The following SCIN variants were observed in gnomAD, a reference collection of about 807,000 sequenced individuals.
The protein encoded by SCIN is scinderin, also known as adseverin.
Under a neutral mutation model 91.8 loss-of-function variants are expected in SCIN, and 91 were observed. That is an observed-to-expected ratio of 0.99 (90% confidence interval 0.84 to 1.18). The LOEUF is 1.18. SCIN is among the 50% of genes most tolerant of loss of function. SCIN has a pLI of 0.00. For synonymous variants in SCIN, 367 were observed against 312.6 expected, an observed-to-expected ratio of 1.17 and a Z score of -1.84; for missense variants, 1,087 against 863.9, an observed-to-expected ratio of 1.26 and a Z score of -3.24.
At position 12,653,794 on chromosome 7, in the gene SCIN, T is replaced by C. The variant is rs560729119; in HGVS notation, c.*1079T>C. On this transcript the variant is annotated 3_prime_UTR_variant, in exon 16 of 16. Transcript: ENST00000297029. The surrounding 1 kb of genome is among the most constrained non-coding windows in gnomAD (Gnocchi z 4.1). ...GGTAGCCACTAGAGAATCTTAGCAA[T>C]TTTTGTCCTGCAAGATTTCAGCAAA... The C allele has an allele frequency of 4.9e-4, 75 of 152,304 alleles. No individual in the cohort carries two copies. The highest frequency in any genetic ancestry group is 1.8e-3 in the African/African-American group (74 of 41,564). 9.4% of individuals were successfully genotyped at this position (152,304 alleles called of 1,614,324 possible).
intron 3 of SCIN, among the ~76,000 whole-genome samples, chr7:12,583,670 C>G (rs1782532021): frequency 6.6e-6 from 1 of 151,982 alleles, no homozygotes; most frequent in South Asian, 2.1e-4. Context: ...AGAACAAATA[C>G]AGAGTTTCCA....
intron 3 of SCIN, among the ~76,000 whole-genome samples, chr7:12,583,446 C>T (rs763387185): frequency 9.2e-5 from 14 of 152,094 alleles, no homozygotes; most frequent in South Asian, 2.1e-4. Context: ...ATGCCAGTTG[C>T]GTGATGACCC....
rs1218313813 is a variant in SCIN, at chr7:12,652,579, T to A, written c.2021-9T>A. 6.2e-7 allele frequency: 1 copy of A among 1,608,066 alleles called. No homozygotes were observed. The highest frequency in any genetic ancestry group is 1.3e-5 in the African/African-American group (1 of 74,418). ...AACTGAATTTATATGTCTTTACAACTTTTTTTAGCCAAAATGTACCTTGAG... is the reference window on the plus strand; with the variant it reads ...AACTGAATTTATATGTCTTTACAACATTTTTTAGCCAAAATGTACCTTGAG... On this transcript the variant is annotated splice_polypyrimidine_tract_variant and intron_variant, in intron 15 of 15. Coordinates refer to ENST00000297029, the MANE Select transcript of SCIN (RefSeq NM_001112706.3).
chr7:12,652,460 T>C (rs1467475174), intron 15 of SCIN, 128 bp from the exon 16 acceptor site: 1 of 807,916 alleles, frequency 1.2e-6, no homozygotes, highest in African/African-American at 1.8e-5. Flanking sequence ...TCATTTTCAA[T>C]GTAGCCAATA....
At chr7:12,594,999 G>A (rs1386796491) in intron 3 of SCIN, among the ~76,000 whole-genome samples, 1 of 152,202 alleles carries the variant, frequency 6.6e-6, no homozygotes, top group South Asian at 2.1e-4. Flanking sequence ...TCTTTAGCAG[G>A]TTCGGGAAGG....
At chr7:12,625,641 C>A in intron 6 of SCIN, 121 bp from the exon 7 acceptor site, 1 of 774,156 alleles carries the variant, frequency 1.3e-6, no homozygotes, top group Non-Finnish European at 2.0e-6. Flanking sequence ...TTTTGCTATT[C>A]TTTCACTGCT....
intron 3 of SCIN, among the ~76,000 whole-genome samples, chr7:12,592,702 A>G (rs1782751172): frequency 6.6e-6 from 1 of 152,056 alleles, no homozygotes. Flanking sequence ...ATAAGGAAAG[A>G]GTGTGAGAAA....
intron 4 of SCIN, among the ~76,000 whole-genome samples, chr7:12,612,013 C>G (rs1783202527): frequency 6.6e-6 from 1 of 151,680 alleles, no homozygotes; most frequent in African/African-American, 2.4e-5. Flanking sequence ...TTCTGTTGCC[C>G]TCCTATTTTT....
intron 11 of SCIN, among the ~76,000 whole-genome samples, chr7:12,642,661 G>A (rs929236026): frequency 6.7e-6 from 1 of 150,104 alleles, no homozygotes; most frequent in African/African-American, 2.5e-5. Flanking sequence ...CACAAACAAA[G>A]GTCACTTTTC....
intron 9 of SCIN, among the ~76,000 whole-genome samples, chr7:12,629,635 A>G (rs1783602963): frequency 1.3e-5 from 2 of 152,312 alleles, no homozygotes; most frequent in Non-Finnish European, 2.9e-5. Flanking sequence ...AGGAGATACA[A>G]TTTGTGATTC....
chr7:12,582,436 T>C (rs1482511476), intron 3 of SCIN, among the ~76,000 whole-genome samples: 1 of 152,188 alleles, frequency 6.6e-6, no homozygotes, highest in Non-Finnish European at 1.5e-5. Flanking sequence ...ATAAACTGCA[T>C]CAGTTTCTTT....
At chr7:12,572,595 C>G (rs775352308) in intron 1 of SCIN, among the ~76,000 whole-genome samples, 2 of 152,172 alleles carry the variant, frequency 1.3e-5, no homozygotes, top group Non-Finnish European at 2.9e-5. Context: ...GATTTGAACA[C>G]AATTCTTTAA....
chr7:12,639,036 G>C (rs1054253745), intron 10 of SCIN, among the ~76,000 whole-genome samples: 1 of 152,142 alleles, frequency 6.6e-6, no homozygotes, highest in African/African-American at 2.4e-5. Flanking sequence ...GTAATTTTTA[G>C]TTTAATCACT....
Position 12,581,146 on chromosome 7 carries a change from G to C in SCIN, c.441G>C (p.Val147=). 6.4e-7 allele frequency: 1 copy of C among 1,551,494 alleles called. No homozygotes were observed. Among genetic ancestry groups the C allele is most frequent in the Non-Finnish European group, 8.7e-7 (1 of 1,146,838 alleles). Residue 147 remains valine (V), a synonymous_variant, in exon 3 of 16, where the codon GTG becomes GTC. Transcript: ENST00000297029. ...KRLLHVKGRR[V]VRATEVPLSW... ...TCCTACATGTGAAGGGTCGTAGAGT[G>C]GTGAGAGCCACAGAAGTTCCCCTTA...
intron 10 of SCIN, among the ~76,000 whole-genome samples, chr7:12,638,000 T>G (rs1359439622): frequency 6.6e-6 from 1 of 152,218 alleles, no homozygotes; most frequent in Non-Finnish European, 1.5e-5. Context: ...GACTGCTGTT[T>G]CTAGCCTGGT....
At chr7:12,644,542 G>A (rs1300998071) in intron 12 of SCIN, 42 bp from the exon 13 acceptor site, 11 of 1,605,100 alleles carry the variant, frequency 6.9e-6, no homozygotes, top group Non-Finnish European at 9.4e-6. Context: ...GCAAGCATAT[G>A]TCCCTGAAAA....
intron 11 of SCIN, 84 bp downstream of exon 11, chr7:12,640,601 A>G: frequency 8.0e-7 from 1 of 1,246,860 alleles, no homozygotes; most frequent in Non-Finnish European, 1.0e-6. Flanking sequence ...AGACTTTAAA[A>G]ACTTGGCAAA....
intron 4 of SCIN, among the ~76,000 whole-genome samples, chr7:12,614,040 A>T (rs1783249137): frequency 6.6e-6 from 1 of 152,226 alleles, no homozygotes; most frequent in South Asian, 2.1e-4. Flanking sequence ...ATACATCTTA[A>T]CGATGTCTGA....
At chr7:12,577,073 G>A (rs1004094213) in intron 1 of SCIN, among the ~76,000 whole-genome samples, 4 of 152,116 alleles carry the variant, frequency 2.6e-5, no homozygotes, top group African/African-American at 7.2e-5. Flanking sequence ...AAGTTACCTG[G>A]ATGTGATGTG....
Sources: allele counts gnomAD v4.1 joint callset (sites outside exome capture counted in the v4.1 genomes callset), GRCh38; gene constraint gnomAD v4.1.1; non-coding constraint Gnocchi (gnomAD v3.1); transcripts MANE v1.5; gene names NCBI Gene and HGNC (gene_info 2026-07-23, HGNC 2026-07-21).